Variants in TRPS1 observed in about 807,000 individuals in gnomAD.
TRPS1 encodes the protein transcriptional repressor GATA binding 1, also known as zinc finger transcription factor Trps1.
In TRPS1, 6 loss-of-function variants were observed where a neutral mutation model predicts 101.2. That is an observed-to-expected ratio of 0.06 (90% CI 0.03 to 0.12). The LOEUF is 0.12. Among genes scored for constraint, TRPS1 ranks in the 10% least tolerant of loss-of-function variants. The pLI is 1.00. For missense variants in TRPS1, 1,363 were observed against 1,567.0 expected, an observed-to-expected ratio of 0.87 and a Z score of 2.20; for synonymous variants, 578 against 589.8, an observed-to-expected ratio of 0.98 and a Z score of 0.29.
chr8:115,534,648 A>T (rs1350245869), intron 5 of TRPS1, among the ~76,000 whole-genome samples: 2 of 152,134 alleles, frequency 1.3e-5, no homozygotes, highest in East Asian at 3.8e-4. Flanking sequence ...ACTCCCCAAA[A>T]CTCATTCTCT....
chr8:115,657,110 G>A (rs1305367804), intron 1 of TRPS1, among the ~76,000 whole-genome samples: 1 of 152,104 alleles, frequency 6.6e-6, no homozygotes, highest in East Asian at 1.9e-4. Context: ...GATTAACTCT[G>A]GAACTGCCTA....
chr8:115,663,722 A>T, intron 1 of TRPS1, among the ~76,000 whole-genome samples: 1 of 81,638 alleles, frequency 1.2e-5, no homozygotes. Flanking sequence ...TTGGAAAAGG[A>T]AAAAAAAAAA....
intron 5 of TRPS1, among the ~76,000 whole-genome samples, chr8:115,436,039 C>G (rs571226526): frequency 2.7e-5 from 4 of 149,100 alleles, no homozygotes; most frequent in South Asian, 2.2e-4. Context: ...CACACACACA[C>G]ACACATTCAG....
At chr8:115,505,145 G>A (rs1345837734) in intron 5 of TRPS1, among the ~76,000 whole-genome samples, 2 of 152,052 alleles carry the variant, frequency 1.3e-5, no homozygotes, top group Non-Finnish European at 2.9e-5. Context: ...TATCAATTAG[G>A]ATTTATTATT....
Position 115,409,272 on chromosome 8 carries a change from A to AAAAAAAC in TRPS1, c.*4750_*4751insGTTTTTT, listed in dbSNP as rs1554615606. 1.7e-4 allele frequency: 25 copies of AAAAAAAC among 149,294 alleles called. No homozygotes were observed. Among genetic ancestry groups the AAAAAAAC allele is most frequent in the African/African-American group, 6.2e-4 (25 of 40,566 alleles). The allele number at this position is 149,294 out of a possible 1,614,324, so 9.2% of individuals were successfully genotyped here. A position where few individuals can be genotyped will look rare whatever the true frequency, so the allele number is the denominator to read the frequency against. ...AGTTTATATGTTGGGAAAAAAAAAA[A>AAAAAAAC]AAAAAAAAACAGGGGAAAACCAGAA... On this transcript the variant is annotated 3_prime_UTR_variant, in exon 7 of 7. Transcript: ENST00000395715.
chr8:115,516,452 C>A (rs1815714084), intron 5 of TRPS1, among the ~76,000 whole-genome samples: 1 of 151,430 alleles, frequency 6.6e-6, no homozygotes, highest in Admixed American at 6.6e-5. Flanking sequence ...ATGTTGAAAT[C>A]TTTGGAAAGA....
intron 5 of TRPS1, among the ~76,000 whole-genome samples, chr8:115,483,861 A>G (rs973210534): frequency 5.9e-5 from 9 of 152,204 alleles, no homozygotes; most frequent in Admixed American, 1.3e-4. Context: ...GCCTCTAAAG[A>G]TGAGTAATTT....
At chr8:115,533,436 G>GCTTTTTTTTTTTTT (rs1379245638) in intron 5 of TRPS1, among the ~76,000 whole-genome samples, 1 of 34,986 alleles carries the variant, frequency 2.9e-5, no homozygotes, top group African/African-American at 1.0e-4. Context: ...CATGTAATCT[G>GCTTTTTTTTTTTTT]TTTTTTTTTT....
chr8:115,586,625 A>T (rs1817565901), intron 5 of TRPS1, among the ~76,000 whole-genome samples: 1 of 152,242 alleles, frequency 6.6e-6, no homozygotes, highest in Non-Finnish European at 1.5e-5. Context: ...ATATTGTCAT[A>T]GCAGCCTAAA....
At chr8:115,436,856 G>A (rs1263658722) in intron 5 of TRPS1, among the ~76,000 whole-genome samples, 2 of 151,992 alleles carry the variant, frequency 1.3e-5, no homozygotes, top group Non-Finnish European at 2.9e-5. Context: ...TGAACTAGAT[G>A]AACTAAAAAT....
chr8:115,467,542 T>C (rs1253923191), intron 5 of TRPS1, among the ~76,000 whole-genome samples: 3 of 152,128 alleles, frequency 2.0e-5, no homozygotes, highest in Admixed American at 6.6e-5. Context: ...CTTTCCTATA[T>C]TGCGATATGA....
chr8:115,637,271 C>T (rs1046634027), intron 1 of TRPS1: 10 of 985,272 alleles, frequency 1.0e-5, no homozygotes, highest in Non-Finnish European at 1.2e-5. Context: ...AAGACAGAAT[C>T]TTGAATCCCA....
intron 5 of TRPS1, among the ~76,000 whole-genome samples, chr8:115,429,853 A>G (rs952397460): frequency 5.3e-5 from 8 of 152,210 alleles, no homozygotes; most frequent in Non-Finnish European, 1.2e-4. Flanking sequence ...AGACGTAAAT[A>G]AATTATAGCA....
intron 5 of TRPS1, among the ~76,000 whole-genome samples, chr8:115,448,892 T>C (rs116296093): frequency 0.013 from 1,961 of 152,252 alleles, 35 homozygotes; most frequent in African/African-American, 0.045. Context: ...TCGTCGATCA[T>C]CTTTTGAAAG....
chr8:115,422,770 T>C (rs992093609), intron 5 of TRPS1, among the ~76,000 whole-genome samples: 2 of 152,216 alleles, frequency 1.3e-5, no homozygotes, highest in Non-Finnish European at 2.9e-5. Flanking sequence ...GATGGTTCTA[T>C]CTGTGTCTGT....
chr8:115,664,112 G>A (rs1811870352), intron 1 of TRPS1, among the ~76,000 whole-genome samples: 1 of 152,046 alleles, frequency 6.6e-6, no homozygotes, highest in South Asian at 2.1e-4. Context: ...TACATCGGAG[G>A]ATAAATTTTA....
chr8:115,498,415 C>CTCTCTCTCTCTCTCTATATA (rs1486361297), intron 5 of TRPS1, among the ~76,000 whole-genome samples: 1 of 39,316 alleles, frequency 2.5e-5, no homozygotes, highest in African/African-American at 1.1e-4. Flanking sequence ...CTCTCTCTCT[C>CTCTCTCTCTCTCTCTATATA]TATATATATA....
intron 5 of TRPS1, among the ~76,000 whole-genome samples, chr8:115,486,455 G>T (rs1363368847): frequency 6.6e-6 from 1 of 152,084 alleles, no homozygotes; most frequent in Non-Finnish European, 1.5e-5. Flanking sequence ...TCACTTTAAA[G>T]GAAAAAACAG....
At chr8:115,625,846 C>T (rs375599541) in intron 1 of TRPS1, among the ~76,000 whole-genome samples, 14 of 151,724 alleles carry the variant, frequency 9.2e-5, no homozygotes, top group Non-Finnish European at 1.6e-4. Flanking sequence ...AATCTTGTTG[C>T]GCATAATTTT....
Sources: gnomAD v4.1 joint callset for allele counts (sites outside exome capture counted in the v4.1 genomes callset) on GRCh38, gnomAD v4.1.1 for gene constraint, MANE v1.5 for transcripts, NCBI Gene and HGNC (gene_info 2026-07-23, HGNC 2026-07-21) for gene names.